Variants in VRK1 observed in about 807,000 individuals in gnomAD.
The protein encoded by VRK1 is VRK serine/threonine kinase 1, also known as serine/threonine-protein kinase VRK1.
In VRK1, 33 loss-of-function variants were observed where a neutral mutation model predicts 57.1. The ratio of observed to expected loss-of-function variants is 0.58; its 90% CI spans 0.44 to 0.77. VRK1 has a LOEUF of 0.77. Among genes scored for constraint, VRK1 ranks in the 30% least tolerant of loss-of-function variants. The pLI is 0.00. For synonymous variants in VRK1, 137 were observed against 147.8 expected, an observed-to-expected ratio of 0.93 and a Z score of 0.53; for missense variants, 413 against 477.3, an observed-to-expected ratio of 0.87 and a Z score of 1.25.
chr14:96,808,360 A>G (rs1170944599), intron 1 of VRK1, among the ~76,000 whole-genome samples: 1 of 152,130 alleles, frequency 6.6e-6, no homozygotes, highest in Non-Finnish European at 1.5e-5. Context: ...TTTCTCCCTC[A>G]TACCCTTGCC....
In VRK1 at chr14:96,806,834, T is replaced by C. The variant is rs570399319; in HGVS notation, c.-6+9387T>C. On this transcript the variant is annotated intron_variant, in intron 1 of 12. Coordinates refer to ENST00000216639, the MANE Select transcript of VRK1 (RefSeq NM_003384.3). ...CATTCCCCTCCCTCCCTCCCTCCCT[T>C]CCTTCCCTCCTTCCCTTCCTCTCGC... Among the ~76,000 whole-genome samples, 106 of 139,690 alleles carry C rather than the reference T, an allele frequency of 7.6e-4. No individual in the cohort carries two copies. The East Asian group carries it at 0.02, about 26-fold the overall frequency. 91.6% of individuals were successfully genotyped at this position (139,690 alleles called of 152,430 possible).
chr14:96,823,406 CATTT>C (rs1447167564), intron 1 of VRK1, among the ~76,000 whole-genome samples: 1 of 152,124 alleles, frequency 6.6e-6, no homozygotes, highest in Non-Finnish European at 1.5e-5. Context: ...CCACAGTTAA[CATTT>C]ATTTATTGCT....
chr14:96,837,734 A>T (rs1887276488), intron 2 of VRK1, 28 bp from the exon 3 acceptor site: 2 of 1,464,710 alleles, frequency 1.4e-6, no homozygotes, highest in Non-Finnish European at 9.3e-7. Context: ...ACTTGTTCTG[A>T]TATCAAATAT....
intron 1 of VRK1, 54 bp from the exon 2 acceptor site, chr14:96,833,413 T>TTTTAA: frequency 1.2e-6 from 2 of 1,605,988 alleles, no homozygotes; most frequent in Non-Finnish European, 1.7e-6. Flanking sequence ...GGGAAAAATG[T>TTTTAA]TTTAAACACT....
At chr14:96,801,603 G>A (rs574130228) in intron 1 of VRK1, among the ~76,000 whole-genome samples, 1 of 152,284 alleles carries the variant, frequency 6.6e-6, no homozygotes, top group Admixed American at 6.5e-5. Flanking sequence ...CCATGCAGTT[G>A]AAAATCCATG....
At chr14:96,844,822 C>T (rs1320824414) in intron 3 of VRK1, among the ~76,000 whole-genome samples, 3 of 152,162 alleles carry the variant, frequency 2.0e-5, no homozygotes, top group African/African-American at 4.8e-5. Flanking sequence ...GATGACAGGA[C>T]AGGCATGAGC....
At chr14:96,845,899 G>GCCT (rs1340999723) in intron 3 of VRK1, among the ~76,000 whole-genome samples, 196 bp from the exon 4 acceptor site, 2 of 152,078 alleles carry the variant, frequency 1.3e-5, no homozygotes, top group Non-Finnish European at 2.9e-5. Flanking sequence ...TGGAACTTGA[G>GCCT]CAATATAAGA....
chr14:96,845,308 A>C (rs1014228219), intron 3 of VRK1, among the ~76,000 whole-genome samples: 4 of 152,250 alleles, frequency 2.6e-5, no homozygotes, highest in African/African-American at 9.6e-5. Context: ...TAAAAAGTCC[A>C]CAGAATTATA....
chr14:96,847,855 A>G (rs1409086226), intron 5 of VRK1, among the ~76,000 whole-genome samples: 1 of 152,244 alleles, frequency 6.6e-6, no homozygotes, highest in African/African-American at 2.4e-5. Context: ...GAGAACAATT[A>G]AGTGCTAAGT....
Position 96,856,111 on chromosome 14 carries a change from T to C in VRK1, c.710-19T>C. The stretch of plus-strand genomic sequence containing the variant: ...AAAATTATTTCAGTCTACCTAATGT[T>C]CTTCTCTTGCATTTGTAGCCCCATC... On this transcript the variant is annotated intron_variant, in intron 8 of 12. Transcript: ENST00000216639. The C allele has an allele frequency of 6.2e-7, 1 of 1,613,278 alleles. No homozygotes were observed. Among genetic ancestry groups the C allele is most frequent in the Non-Finnish European group, 8.5e-7 (1 of 1,179,492 alleles).
At chr14:96,803,315 C>T (rs575236987) in intron 1 of VRK1, among the ~76,000 whole-genome samples, 14 of 151,806 alleles carry the variant, frequency 9.2e-5, no homozygotes, top group East Asian at 3.9e-4. Flanking sequence ...GGGTCACAGG[C>T]GCCTGCTGCC....
intron 1 of VRK1, among the ~76,000 whole-genome samples, chr14:96,817,347 G>C (rs935426272): frequency 6.6e-6 from 1 of 151,690 alleles, no homozygotes; most frequent in Non-Finnish European, 1.5e-5. Context: ...TTTTTAATTT[G>C]TTTTTTGAAT....
intron 1 of VRK1, among the ~76,000 whole-genome samples, chr14:96,817,286 G>A (rs1334921553): frequency 6.6e-6 from 1 of 151,550 alleles, no homozygotes; most frequent in Non-Finnish European, 1.5e-5. Context: ...TAATTTAAAG[G>A]GTTCTTTAAA....
chr14:96,856,026 A>G, intron 8 of VRK1, 104 bp from the exon 9 acceptor site: 3 of 1,365,086 alleles, frequency 2.2e-6, no homozygotes, highest in Non-Finnish European at 2.0e-6. Context: ...GATGAAAAAC[A>G]GACTGTGGAG....
chr14:96,840,816 A>G (rs546722509), intron 3 of VRK1, among the ~76,000 whole-genome samples: 1 of 151,962 alleles, frequency 6.6e-6, no homozygotes, highest in Non-Finnish European at 1.5e-5. Context: ...TTAAAGGTGG[A>G]ACAGTGTATA....
intron 12 of VRK1, among the ~76,000 whole-genome samples, chr14:96,878,539 A>G (rs909153265): frequency 1.3e-5 from 2 of 152,204 alleles, no homozygotes; most frequent in Non-Finnish European, 2.9e-5. Context: ...AATGGGAGCA[A>G]CTTTCCTTTA....
intron 3 of VRK1, among the ~76,000 whole-genome samples, chr14:96,845,557 G>A (rs78329606): frequency 0.044 from 6,674 of 152,268 alleles, 180 homozygotes; most frequent in Non-Finnish European, 0.063. Context: ...GAAGGATGCA[G>A]GTTAGTGGAC....
chr14:96,816,404 A>G (rs756144081), intron 1 of VRK1, among the ~76,000 whole-genome samples: 1 of 152,188 alleles, frequency 6.6e-6, no homozygotes, highest in South Asian at 2.1e-4. Flanking sequence ...TCCCTTAGGT[A>G]AGATTTATTG....
At chr14:96,815,898 A>C (rs1022533318) in intron 1 of VRK1, among the ~76,000 whole-genome samples, 2 of 151,978 alleles carry the variant, frequency 1.3e-5, no homozygotes, top group Non-Finnish European at 2.9e-5. Context: ...AAAAAAAAAA[A>C]AATCTTCTTG....
Sources: allele counts gnomAD v4.1 joint callset (sites outside exome capture counted in the v4.1 genomes callset), GRCh38; gene constraint gnomAD v4.1.1; transcripts MANE v1.5; gene names NCBI Gene and HGNC (gene_info 2026-07-23, HGNC 2026-07-21).